Variants in OGT observed in about 807,000 individuals in gnomAD.
The protein encoded by OGT is O-linked N-acetylglucosamine (GlcNAc) transferase.
OGT carries 3 observed loss-of-function variants against 75.8 expected under a neutral mutation model. The ratio of observed to expected loss-of-function variants is 0.04; its 90% CI spans 0.02 to 0.10. OGT has a LOEUF of 0.10. Among genes scored for constraint, OGT ranks in the 10% least tolerant of loss-of-function variants. The probability of loss-of-function intolerance (pLI) is 1.00; values close to 1 mark genes in which losing one functional copy is unlikely to be tolerated. For missense variants in OGT, 260 were observed against 824.4 expected (o/e 0.32, Z 8.38); for synonymous variants, 257 against 289.7 (o/e 0.89, Z 1.15).
At chrX:71,552,984 A>G (rs544613437) in intron 5 of OGT, among the ~76,000 whole-genome samples, 1 of 112,341 alleles carries the variant, frequency 8.9e-6, no homozygotes, top group Admixed American at 9.4e-5. Flanking sequence ...TTTCTATTAT[A>G]AAGTTTAAAA....
chrX:71,575,867 T>C lies in OGT; in HGVS notation c.*2073T>C, dbSNP rs2040493271. On this transcript the variant is annotated 3_prime_UTR_variant, in exon 22 of 22. Coordinates refer to ENST00000373719, the MANE Select transcript of OGT (RefSeq NM_181672.3). ...AAATTAAGATGTTGTCTTGCGATCC[T>C]TAATAAATGAATGATTTCCCTTTAA... 8.9e-6 allele frequency: 1 copy of C among 112,530 alleles called. No homozygotes were observed. Among genetic ancestry groups the C allele is most frequent in the Non-Finnish European group, 1.9e-5 (1 of 53,335 alleles). 9.3% of individuals were successfully genotyped at this position (112,530 alleles called of 1,213,427 possible). A position where few individuals can be genotyped will look rare whatever the true frequency, so the allele number is the denominator to read the frequency against.
intron 5 of OGT, among the ~76,000 whole-genome samples, chrX:71,554,099 G>A (rs2040326670): frequency 8.9e-6 from 1 of 111,861 alleles, no homozygotes; most frequent in Non-Finnish European, 1.9e-5. Flanking sequence ...TCTTAATAAG[G>A]TCTTGCTGAG....
At chrX:71,541,812 G>C (rs775144846) in intron 3 of OGT, among the ~76,000 whole-genome samples, 1 of 110,576 alleles carries the variant, frequency 9.0e-6, no homozygotes, top group East Asian at 2.8e-4. Context: ...AGATGTTGTG[G>C]CTGGTGGGGG....
At chrX:71,560,233 C>T (rs775988140) in intron 14 of OGT, among the ~76,000 whole-genome samples, 6 of 100,359 alleles carry the variant, frequency 6.0e-5, no homozygotes, top group Admixed American at 3.4e-4. Flanking sequence ...AAGCTGAGAT[C>T]GCACCACTGC....
chrX:71,542,292 C>T (rs1458072749), intron 3 of OGT, among the ~76,000 whole-genome samples: 4 of 111,637 alleles, frequency 3.6e-5, no homozygotes, highest in African/African-American at 9.8e-5. Context: ...AATGGTGGTG[C>T]CCGTGCGTTT....
intron 21 of OGT, among the ~76,000 whole-genome samples, chrX:71,569,057 C>T (rs781254306): frequency 2.7e-5 from 3 of 111,141 alleles, no homozygotes; most frequent in South Asian, 7.6e-4. Context: ...GGGCCAGGTG[C>T]GGTGGCTCAC....
At chrX:71,560,333 G>A (rs1326890778) in intron 14 of OGT, among the ~76,000 whole-genome samples, 3 of 109,373 alleles carry the variant, frequency 2.7e-5, no homozygotes, top group Non-Finnish European at 3.8e-5. Flanking sequence ...GTTTCCATGG[G>A]CCTTTGCCTT....
chrX:71,560,913 A>G (rs761066277), intron 14 of OGT, among the ~76,000 whole-genome samples: 1 of 110,560 alleles, frequency 9.0e-6, no homozygotes, highest in African/African-American at 3.3e-5. Flanking sequence ...CCTATACTAA[A>G]TAGAAGTGAA....
Position 71,561,811 on chromosome X carries a change from C to A in OGT, c.1888C>A (p.Gln630Lys). The A allele has an allele frequency of 1.7e-6, 2 of 1,204,247 alleles. No homozygotes were observed. The highest frequency in any genetic ancestry group is 2.2e-6 in the Non-Finnish European group (2 of 890,433). ...TGGAAAAGCAGCTGATCGCATCCAT[C>A]AGGATGGAATTCATATCCTTGTAAA... The part of the protein sequence containing the change: ...CNGKAADRIH[Q>K]DGIHILVNMN... The change falls in exon 15 of 22, where the codon CAG (glutamine) becomes AAG (lysine). Residue 630 changes from glutamine (Q) to lysine (K), a missense_variant. Physicochemically the swap from Gln to Lys is moderately conservative, Grantham distance 53. This residue lies in a region of OGT where 99 missense variants were observed against 417.9 expected (regional missense o/e 0.24). Coordinates refer to ENST00000373719, the MANE Select transcript of OGT (RefSeq NM_181672.3).
chrX:71,541,696 A>G lies in OGT; in HGVS notation c.463-2871A>G, dbSNP rs909053586. Among the ~76,000 whole-genome samples, 7 of 111,151 alleles carry G rather than the reference A, an allele frequency of 6.3e-5. No homozygotes were observed. In the East Asian group the frequency reaches 1.7e-3, roughly 27 times the overall value. On this transcript the variant is annotated intron_variant, in intron 3 of 21. Transcript: ENST00000373719. ...TAGAGGAGAGTCAATTGGAAGATTT[A>G]TAAAGAATAGAGAGGCTGAGGAGTT...
At chrX:71,543,429 T>C (rs1327335632) in intron 3 of OGT, among the ~76,000 whole-genome samples, 2 of 110,952 alleles carry the variant, frequency 1.8e-5, no homozygotes, top group East Asian at 2.8e-4. Context: ...AGCAGCACAA[T>C]TGAGCTGCTA....
intron 4 of OGT, 61 bp downstream of exon 4, chrX:71,544,696 A>T (rs1486134936): frequency 1.1e-6 from 1 of 904,913 alleles, no homozygotes; most frequent in South Asian, 2.1e-5. Flanking sequence ...CTTTTTGCCA[A>T]GTCTTCAACT....
rs2040492393 is a variant in OGT, at chrX:71,575,773, A to C, written c.*1979A>C. The C allele has an allele frequency of 8.9e-6, 1 of 112,563 alleles. No individual in the cohort carries two copies. Among genetic ancestry groups the C allele is most frequent in the Admixed American group, 9.5e-5 (1 of 10,558 alleles). The allele number at this position is 112,563 out of a possible 1,213,427, so 9.3% of individuals were successfully genotyped here. On this transcript the variant is annotated 3_prime_UTR_variant, in exon 22 of 22. Transcript: ENST00000373719. ...TGATTAGAGATATAGATATTACTGG[A>C]AACTAATTGTTTTTTTTCTATTGTA...
chrX:71,555,157 T>TGTGC, intron 6 of OGT, 33 bp from the exon 7 acceptor site: 1 of 1,000,944 alleles, frequency 1.0e-6, no homozygotes, highest in Admixed American at 2.4e-5. Context: ...TGTGTGTGTG[T>TGTGC]GTGTGTGTGT....
At chrX:71,537,049 A>C in intron 2 of OGT, 1 of 169,362 alleles carries the variant, frequency 5.9e-6, no homozygotes, top group Non-Finnish European at 1.1e-5. Flanking sequence ...GCTCACTGCA[A>C]CTCTGCCTCC....
At chrX:71,562,720 A>G in intron 15 of OGT, 127 bp from the exon 16 acceptor site, 1 of 598,299 alleles carries the variant, frequency 1.7e-6, no homozygotes, top group East Asian at 3.7e-5. Context: ...TTTTTTTAAA[A>G]ACCACTTTAT....
intron 3 of OGT, among the ~76,000 whole-genome samples, chrX:71,539,722 C>G (rs1334316151): frequency 8.9e-6 from 1 of 112,295 alleles, no homozygotes; most frequent in Non-Finnish European, 1.9e-5. Flanking sequence ...CCCATTTTTC[C>G]CAGGGCTCAG....
rs1425597058 is a variant in OGT, at chrX:71,573,657, A to C, written c.3004A>C (p.Ile1002Leu). The change falls in exon 22 of 22, where the codon ATA (isoleucine) becomes CTA (leucine). Residue 1002 changes from isoleucine to leucine, a missense_variant. This residue lies in a region of OGT where 34 missense variants were observed against 57.5 expected (regional missense o/e 0.59). Transcript: ENST00000373719. Reference sequence around the variant, plus strand: ...TCGTGGCAAAGTCTGGAAGCAAAGAATATCTAGCCCTCTGTTCAACACCAA... The same window carrying C: ...TCGTGGCAAAGTCTGGAAGCAAAGACTATCTAGCCCTCTGTTCAACACCAA... Reference protein sequence around the residue: ...KVRGKVWKQRISSPLFNTKQY... With the variant: ...KVRGKVWKQRLSSPLFNTKQY... 2 of 1,202,793 alleles carry C rather than the reference A, an allele frequency of 1.7e-6. No homozygotes were observed. The highest frequency in any genetic ancestry group is 2.2e-6 in the Non-Finnish European group (2 of 892,292).
At chrX:71,555,111 A>G in intron 6 of OGT, 79 bp from the exon 7 acceptor site, 2 of 764,845 alleles carry the variant, frequency 2.6e-6, no homozygotes, top group South Asian at 2.8e-5. Flanking sequence ...GTAACAAACC[A>G]TCCATTAAGC....
Sources: allele counts gnomAD v4.1 joint callset (sites outside exome capture counted in the v4.1 genomes callset), GRCh38; gene constraint gnomAD v4.1.1; regional missense constraint gnomAD v4.1.1; transcripts MANE v1.5; gene names NCBI Gene and HGNC (gene_info 2026-07-23, HGNC 2026-07-21).